The following GRK5 variants were observed in gnomAD, a reference collection of about 807,000 sequenced individuals.
GRK5 encodes G protein-coupled receptor kinase 5, also known as g protein-coupled receptor kinase GRK5.
GRK5 carries 40 observed loss-of-function variants against 78.4 expected under a neutral mutation model. The observed-to-expected ratio is 0.51, with a 90% confidence interval of 0.40 to 0.66. The LOEUF (loss-of-function observed/expected upper bound fraction) is 0.66, where lower values mean the gene tolerates loss of function less well. GRK5 is among the 30% of genes least tolerant of loss of function. The pLI, the probability that GRK5 is intolerant of heterozygous loss-of-function variation, is 0.00. For synonymous variants in GRK5, 289 were observed against 296.8 expected, an observed-to-expected ratio of 0.97 and a Z score of 0.27; for missense variants, 598 against 759.9, an observed-to-expected ratio of 0.79 and a Z score of 2.50.
At position 119,251,469 on chromosome 10, in the gene GRK5, G is replaced by C. The variant is rs191917509; in HGVS notation, c.52+43500G>C. Among the ~76,000 whole-genome samples, 368 of 152,320 alleles carry C rather than the reference G, an allele frequency of 2.4e-3. 3 individuals carry two copies. The highest frequency in any genetic ancestry group is 8.6e-3 in the African/African-American group (357 of 41,560). On this transcript the variant is annotated intron_variant, in intron 1 of 15. Coordinates refer to ENST00000392870, the MANE Select transcript of GRK5 (RefSeq NM_005308.3). ...CTGTCTTTACTCGGAGCTGTCTCCC[G>C]AAGCCTTGGCCTTCCTCTCCGCAGC...
Position 119,428,007 on chromosome 10 carries a change from C to G in GRK5, c.534-2368C>G, listed in dbSNP as rs150144074. On this transcript the variant is annotated intron_variant, in intron 6 of 15. Coordinates refer to ENST00000392870, the MANE Select transcript of GRK5 (RefSeq NM_005308.3). The stretch of plus-strand genomic sequence containing the variant: ...CATCAACAGCATCACTGCCATTAGT[C>G]CCACTTCACCAGGTCTGATACTGGG... Among the ~76,000 whole-genome samples, 231 of 152,338 alleles carry G rather than the reference C, an allele frequency of 1.5e-3. 11 individuals are homozygous for G. In the East Asian group the frequency reaches 0.042, roughly 28 times the overall value.
intron 1 of GRK5, among the ~76,000 whole-genome samples, chr10:119,308,665 T>G (rs1256737810): frequency 2.6e-5 from 4 of 152,264 alleles, no homozygotes; most frequent in African/African-American, 9.6e-5. Flanking sequence ...TGCCACGCGG[T>G]GGGGGAGCTT....
chr10:119,384,704 G>C (rs1164669160), intron 3 of GRK5, among the ~76,000 whole-genome samples: 1 of 151,978 alleles, frequency 6.6e-6, no homozygotes, highest in Non-Finnish European at 1.5e-5. Flanking sequence ...GTGATGCTCA[G>C]ATTGGGCCCA....
intron 1 of GRK5, among the ~76,000 whole-genome samples, chr10:119,303,016 C>T (rs370025872): frequency 1.2e-4 from 18 of 152,132 alleles, no homozygotes; most frequent in African/African-American, 2.7e-4. Flanking sequence ...TTTAGAGAGG[C>T]GGGACCTCAA....
rs771695048 is a variant in GRK5, at chr10:119,430,595, T to C, written c.597+157T>C. ...GGCAGTGAGGGTGGGAGAGAGTCAG[T>C]GGCCTTGGGGCTATCAGGTGTGTCT... On this transcript the variant is annotated intron_variant, in intron 7 of 15. Coordinates refer to ENST00000392870, the MANE Select transcript of GRK5 (RefSeq NM_005308.3). The surrounding 1 kb of genome is among the most constrained non-coding windows in gnomAD (Gnocchi z 4.5). Among the ~76,000 whole-genome samples the C allele has an allele frequency of 2.6e-5, 4 of 152,024 alleles. No individual in the cohort carries two copies. The highest frequency in any genetic ancestry group is 5.9e-5 in the Non-Finnish European group (4 of 67,988).
chr10:119,291,843 A>C (rs1422595073), intron 1 of GRK5, among the ~76,000 whole-genome samples: 24 of 98,090 alleles, frequency 2.4e-4, no homozygotes, highest in Admixed American at 4.1e-4. Context: ...CTTTATCCTC[A>C]TTCTCTTCCT....
At chr10:119,359,539 C>A (rs992182716) in intron 2 of GRK5, among the ~76,000 whole-genome samples, 1 of 152,208 alleles carries the variant, frequency 6.6e-6, no homozygotes, top group Admixed American at 6.5e-5. Context: ...ACCCACGAAG[C>A]CTTCCTCAGA....
rs1853450618 is a variant in GRK5, at chr10:119,459,541, C to T, written c.*4474C>T. 6.6e-6 allele frequency: 1 copy of T among 152,148 alleles called. No homozygotes were observed. Among genetic ancestry groups the T allele is most frequent in the African/African-American group, 2.4e-5 (1 of 41,426 alleles). The allele number at this position is 152,148 out of a possible 1,614,324, so 9.4% of individuals were successfully genotyped here. A position where few individuals can be genotyped will look rare whatever the true frequency, so the allele number is the denominator to read the frequency against. On this transcript the variant is annotated 3_prime_UTR_variant, in exon 16 of 16. Coordinates refer to ENST00000392870, the MANE Select transcript of GRK5 (RefSeq NM_005308.3). ...AAAATAATAAGAATCCTTCTAGCAT[C>T]CAAAGCTTTCTAATTTTTTTCAGGG...
At chr10:119,394,309 GGCACGTGGGTGTGT>G (rs1851967784) in intron 3 of GRK5, among the ~76,000 whole-genome samples, 1 of 2,094 alleles carries the variant, frequency 4.8e-4, no homozygotes, top group African/African-American at 2.2e-3. Flanking sequence ...TGTCTGTGTG[GGCACGTGGGTGTGT>G]GTATCTGTGT....
intron 1 of GRK5, among the ~76,000 whole-genome samples, chr10:119,321,363 A>T (rs1850581753): frequency 6.6e-6 from 1 of 152,216 alleles, no homozygotes; most frequent in Non-Finnish European, 1.5e-5. Flanking sequence ...ACCGTTCTGG[A>T]GATCGGAAGT....
rs199630595 is a variant in GRK5, at chr10:119,445,917, TC to T, written c.1266+2170del. On this transcript the variant is annotated intron_variant, in intron 12 of 15. Coordinates refer to ENST00000392870, the MANE Select transcript of GRK5 (RefSeq NM_005308.3). This position sits in a 1 kb window ranked among gnomAD's most constrained non-coding sequence, Gnocchi z 4.1. Reference sequence around the variant, plus strand: ...CTACCTTAGCAGCCGCAGAACCCACTCCCCCTCCTCTGGAGCCCAGAAATTC... The same window carrying T: ...CTACCTTAGCAGCCGCAGAACCCACTCCCCTCCTCTGGAGCCCAGAAATTC... 2.7e-5 allele frequency among the ~76,000 whole-genome samples: 4 copies of T among 148,464 alleles called. No individual in the cohort carries two copies. The East Asian group carries it at 8.8e-4, about 33-fold the overall frequency.
chr10:119,365,679 T>C (rs1589766873), intron 2 of GRK5, among the ~76,000 whole-genome samples: 1 of 152,316 alleles, frequency 6.6e-6, no homozygotes, highest in South Asian at 2.1e-4. Context: ...CTACCCGGCC[T>C]CAGTTTCCCC....
At position 119,208,127 on chromosome 10, in the gene GRK5, C is replaced by A. The variant is rs141947233; in HGVS notation, c.52+158C>A. ...TCGGAGAGCGGCTCTGCAGACCCTT[C>A]AGGGTTCCTGCCTTGGGGCTCAGAG... On this transcript the variant is annotated intron_variant, in intron 1 of 15. Coordinates refer to ENST00000392870, the MANE Select transcript of GRK5 (RefSeq NM_005308.3). 5.3e-3 allele frequency among the ~76,000 whole-genome samples: 813 copies of A among 152,338 alleles called. 23 individuals are homozygous for A. The highest frequency in any genetic ancestry group is 0.044 in the Admixed American group (666 of 15,298).
intron 13 of GRK5, among the ~76,000 whole-genome samples, chr10:119,450,090 A>C (rs1348518511): frequency 1.3e-5 from 2 of 152,164 alleles, no homozygotes; most frequent in African/African-American, 4.8e-5. Flanking sequence ...TTTTAGTGCC[A>C]AGGGCTTTGG....
chr10:119,341,207 C>T (rs1283561619), intron 2 of GRK5, among the ~76,000 whole-genome samples: 2 of 152,178 alleles, frequency 1.3e-5, no homozygotes, highest in African/African-American at 2.4e-5. Context: ...CCTCCAGGCG[C>T]ACCTACTTCC....
intron 1 of GRK5, among the ~76,000 whole-genome samples, chr10:119,219,053 AT>A (rs1245750731): frequency 6.6e-6 from 1 of 151,552 alleles, no homozygotes; most frequent in Non-Finnish European, 1.5e-5. Flanking sequence ...ACGTGCTGGG[AT>A]TTTTTTGTAT....
chr10:119,455,273 G>A lies in GRK5; in HGVS notation c.*206G>A, dbSNP rs1034629388. 9 of 697,880 alleles carry A rather than the reference G, an allele frequency of 1.3e-5. 1 individual carries two copies. Among genetic ancestry groups the A allele is most frequent in the South Asian group, 4.5e-5 (3 of 66,696 alleles). 43.2% of individuals were successfully genotyped at this position (697,880 alleles called of 1,614,324 possible). A position where few individuals can be genotyped will look rare whatever the true frequency, so the allele number is the denominator to read the frequency against. ...TCTGTTTTCCGAGGCGGCCCCGGCC[G>A]GGGTGGATTGGATTTGTCTTTGGTG... On this transcript the variant is annotated 3_prime_UTR_variant, in exon 16 of 16. Coordinates refer to ENST00000392870, the MANE Select transcript of GRK5 (RefSeq NM_005308.3).
At chr10:119,441,313 CT>C (rs1853030166) in intron 10 of GRK5, among the ~76,000 whole-genome samples, 1 of 152,198 alleles carries the variant, frequency 6.6e-6, no homozygotes, top group African/African-American at 2.4e-5. Context: ...GGGTGGGGCC[CT>C]GGTGTCCATA....
intron 1 of GRK5, among the ~76,000 whole-genome samples, chr10:119,252,296 G>T (rs1849217327): frequency 6.6e-6 from 1 of 152,208 alleles, no homozygotes; most frequent in Non-Finnish European, 1.5e-5. Context: ...GCCTGCGACG[G>T]GCAGAGAGCT....
Sources: allele counts gnomAD v4.1 joint callset (sites outside exome capture counted in the v4.1 genomes callset), GRCh38; gene constraint gnomAD v4.1.1; non-coding constraint Gnocchi (gnomAD v3.1); transcripts MANE v1.5; gene names NCBI Gene and HGNC (gene_info 2026-07-23, HGNC 2026-07-21).